The following DNAH6 variants were observed in gnomAD, a reference collection of about 807,000 sequenced individuals.
DNAH6 encodes the protein axonemal beta dynein heavy chain 6.
A neutral mutation model predicts 491.4 loss-of-function variants in DNAH6; 340 were observed. The observed-to-expected ratio is 0.69, with a 90% CI of 0.63 to 0.76. DNAH6 has a LOEUF of 0.76. DNAH6 is among the 30% of genes least tolerant of loss of function. DNAH6 has a pLI of 0.00. For missense variants in DNAH6, 4,443 were observed against 4,972.2 expected, an observed-to-expected ratio of 0.89 and a Z score of 3.20; for synonymous variants, 1,603 against 1,686.1, an observed-to-expected ratio of 0.95 and a Z score of 1.21.
intron 72 of DNAH6, among the ~76,000 whole-genome samples, chr2:84,811,077 G>A (rs1156965984): frequency 6.6e-6 from 1 of 152,154 alleles, no homozygotes; most frequent in Non-Finnish European, 1.5e-5. Flanking sequence ...GCTGCAGATG[G>A]TTCCTCAGAT....
At chr2:84,631,662 C>T (rs951927548) in intron 29 of DNAH6, among the ~76,000 whole-genome samples, 10 of 151,902 alleles carry the variant, frequency 6.6e-5, no homozygotes, top group Non-Finnish European at 1.3e-4. Context: ...TACAAGAAGC[C>T]AAGGAATCCC....
chr2:84,537,546 T>C (rs1677813568), intron 4 of DNAH6, among the ~76,000 whole-genome samples: 1 of 152,102 alleles, frequency 6.6e-6, no homozygotes, highest in African/African-American at 2.4e-5. Flanking sequence ...TGTCTGATGC[T>C]GCCCTGAAGG....
intron 29 of DNAH6, among the ~76,000 whole-genome samples, chr2:84,631,438 G>A (rs991223215): frequency 2.6e-5 from 4 of 152,028 alleles, no homozygotes; most frequent in Non-Finnish European, 5.9e-5. Context: ...ATATGTTCAA[G>A]TCCTCATGCC....
rs768723457 is a variant in DNAH6, at chr2:84,669,452, A to G, written c.6248A>G (p.Glu2083Gly). 4 of 1,551,944 alleles carry G rather than the reference A, an allele frequency of 2.6e-6. No individual in the cohort carries two copies. The highest frequency in any genetic ancestry group is 3.5e-6 in the Non-Finnish European group (4 of 1,147,016). The change falls in exon 38 of 77, where the codon GAA becomes GGA. Residue 2083 changes from glutamate (E) to glycine (G), a missense_variant. By Grantham distance (98) the Glu-to-Gly change is moderately conservative. Coordinates refer to ENST00000389394, the MANE Select transcript of DNAH6 (RefSeq NM_001370.2). ...ACAGTGCGCTATGGGTATCTAATGG[A>G]AAAACTACTGGCAGTCAAGCATTCC... The part of the protein sequence containing the change: ...TDTVRYGYLM[E>G]KLLAVKHSVL...
intron 59 of DNAH6, among the ~76,000 whole-genome samples, chr2:84,720,078 C>G (rs958902643): frequency 1.2e-4 from 18 of 152,050 alleles, no homozygotes; most frequent in African/African-American, 4.3e-4. Context: ...GTCACCCAGT[C>G]ACTCTGTTTT....
chr2:84,812,570 T>C, intron 73 of DNAH6, 44 bp downstream of exon 73: 1 of 1,512,154 alleles, frequency 6.6e-7, no homozygotes, highest in Non-Finnish European at 8.9e-7. Flanking sequence ...TCTGATGGCA[T>C]AGTTGGCCTA....
chr2:84,808,124 T>C (rs1679608156), intron 71 of DNAH6, among the ~76,000 whole-genome samples: 1 of 105,898 alleles, frequency 9.4e-6, no homozygotes, highest in East Asian at 2.3e-4. Flanking sequence ...AAAAAAAGTG[T>C]ATATATATGT....
upstream of DNAH6, among the ~76,000 whole-genome samples, chr2:84,511,942 A>T (rs1423295016): frequency 6.6e-6 from 1 of 152,110 alleles, no homozygotes; most frequent in Non-Finnish European, 1.5e-5. Context: ...ATTTTATTTC[A>T]TGTGGTCAGA....
At chr2:84,591,456 A>G (rs148083732) in intron 16 of DNAH6, among the ~76,000 whole-genome samples, 4 of 152,292 alleles carry the variant, frequency 2.6e-5, no homozygotes, top group African/African-American at 9.6e-5. Context: ...AAGAAATGAA[A>G]TAATACACAA....
At chr2:84,617,021 T>C in intron 23 of DNAH6, 39 bp downstream of exon 23, 1 of 1,124,672 alleles carries the variant, frequency 8.9e-7, no homozygotes, top group South Asian at 1.6e-5. Context: ...TTTTAGTAGT[T>C]ATGACTGTCA....
chr2:84,633,682 T>C (rs1272107712), intron 29 of DNAH6, among the ~76,000 whole-genome samples: 1 of 152,026 alleles, frequency 6.6e-6, no homozygotes, highest in Non-Finnish European at 1.5e-5. Flanking sequence ...TTCCCTATGC[T>C]TTCCATATTC....
intron 45 of DNAH6, among the ~76,000 whole-genome samples, chr2:84,692,607 GTCT>G (rs1254881804): frequency 6.6e-6 from 1 of 152,114 alleles, no homozygotes; most frequent in African/African-American, 2.4e-5. Context: ...TATATTTTAT[GTCT>G]TCTTAAGAAG....
rs781029566 is a variant in DNAH6 at position 84,681,543 on chromosome 2, C to T, written c.6916+15C>T. 3 of 1,498,118 alleles carry T rather than the reference C, an allele frequency of 2.0e-6. No individual in the cohort carries two copies. The South Asian group carries it at 4.0e-5, about 20-fold the overall frequency. 92.8% of individuals were successfully genotyped at this position (1,498,118 alleles called of 1,614,324 possible). A position where few individuals can be genotyped will look rare whatever the true frequency, so the allele number is the denominator to read the frequency against. On this transcript the variant is annotated intron_variant, in intron 42 of 76. Transcript: ENST00000389394. Reference sequence around the variant, plus strand: ...ATGTGTGCAAGGTAGTGTACTGAACCCTCGTTTTCTGATCTGCACCCTCCC... The same window carrying T: ...ATGTGTGCAAGGTAGTGTACTGAACTCTCGTTTTCTGATCTGCACCCTCCC...
intron 63 of DNAH6, among the ~76,000 whole-genome samples, chr2:84,748,737 G>A (rs987896196): frequency 6.6e-6 from 1 of 152,124 alleles, no homozygotes; most frequent in Non-Finnish European, 1.5e-5. Context: ...TATCTTTGTA[G>A]CAATGCCCCA....
chr2:84,526,439 C>T (rs1265597638), intron 3 of DNAH6, among the ~76,000 whole-genome samples: 3 of 152,000 alleles, frequency 2.0e-5, no homozygotes, highest in Admixed American at 6.6e-5. Context: ...TCTGGAGGTA[C>T]GTAGGTGGAC....
At chr2:84,563,512 A>T (rs1680873576) in intron 11 of DNAH6, among the ~76,000 whole-genome samples, 4 of 151,656 alleles carry the variant, frequency 2.6e-5, no homozygotes. Context: ...ATTTTTTCAT[A>T]TGTTTGCTGG....
intron 63 of DNAH6, among the ~76,000 whole-genome samples, chr2:84,749,441 TA>T (rs1673263140): frequency 6.6e-6 from 1 of 152,108 alleles, no homozygotes; most frequent in Admixed American, 6.5e-5. Flanking sequence ...AAATTGAGCT[TA>T]AAATTTCTAA....
chr2:84,480,407 T>C, the DNAH6 span, among the ~76,000 whole-genome samples: 1,682 of 152,332 alleles, frequency 0.011, 29 homozygotes, highest in African/African-American at 0.039. Flanking sequence ...TTTGTTGCAC[T>C]GTAAGTACAT....
At chr2:84,510,727 G>C in the DNAH6 span, among the ~76,000 whole-genome samples, 3 of 152,108 alleles carry the variant, frequency 2.0e-5, no homozygotes, top group African/African-American at 7.2e-5. Context: ...GGTCTTTGAT[G>C]ATGGTGACAT....
Sources: allele counts gnomAD v4.1 joint callset (sites outside exome capture counted in the v4.1 genomes callset), GRCh38; gene constraint gnomAD v4.1.1; transcripts MANE v1.5; gene names NCBI Gene and HGNC (gene_info 2026-07-23, HGNC 2026-07-21).